The following TMCC3 variants were observed in gnomAD, a reference collection of about 807,000 sequenced individuals.
The protein encoded by TMCC3 is transmembrane and coiled-coil domain family 3, also known as transmembrane and coiled-coil domain protein 3.
Under a neutral mutation model 40.2 loss-of-function variants are expected in TMCC3, and 28 were observed. The observed-to-expected ratio is 0.70, with a 90% CI of 0.52 to 0.95. The LOEUF (loss-of-function observed/expected upper bound fraction) is 0.95. Ranked by LOEUF, TMCC3 falls within the 40% of genes least tolerant of loss-of-function variation. The pLI is 0.00. For missense variants in TMCC3, 554 were observed against 615.2 expected, an observed-to-expected ratio of 0.90 and a Z score of 1.05; for synonymous variants, 255 against 248.5, an observed-to-expected ratio of 1.03 and a Z score of -0.25.
chr12:94,584,744 C>T (rs1490986238), intron 1 of TMCC3, among the ~76,000 whole-genome samples: 1 of 151,912 alleles, frequency 6.6e-6, no homozygotes, highest in African/African-American at 2.4e-5. Context: ...CTTTATCTGG[C>T]AGAGGAGCAC....
Position 94,613,101 on chromosome 12 carries a change from G to GAT in TMCC3, c.79-30565_79-30564dup, listed in dbSNP as rs892948480. On this transcript the variant is annotated intron_variant, in intron 1 of 3. Coordinates refer to ENST00000261226, the MANE Select transcript of TMCC3 (RefSeq NM_020698.4). ...ATATATATATACACACAATAAAATG[G>GAT]ATACACACACACACACACACACACA... is the stretch of plus-strand genomic sequence containing the variant. 3.5e-4 allele frequency among the ~76,000 whole-genome samples: 49 copies of GAT among 140,082 alleles called. 1 individual carries two copies. Among genetic ancestry groups the GAT allele is most frequent in the African/African-American group, 1.3e-3 (49 of 36,718 alleles). 91.9% of individuals were successfully genotyped at this position (140,082 alleles called of 152,430 possible).
intron 1 of TMCC3, among the ~76,000 whole-genome samples, chr12:94,606,302 T>C (rs980394836): frequency 2.0e-5 from 3 of 152,096 alleles, no homozygotes; most frequent in African/African-American, 4.8e-5. Context: ...GCTTTACTCA[T>C]GCCAAGTTCC....
chr12:94,597,153 ATATATGTATATAAAT>A (rs2068721806), intron 1 of TMCC3, among the ~76,000 whole-genome samples: 6 of 18,250 alleles, frequency 3.3e-4, no homozygotes, highest in Middle Eastern at 0.062. Context: ...ATATATATAT[ATATATGTATATAAAT>A]TAGCCAGGCC....
chr12:94,598,825 C>G, intron 1 of TMCC3: 2 of 929,082 alleles, frequency 2.2e-6, no homozygotes, highest in Non-Finnish European at 2.6e-6. Flanking sequence ...AGAAATAAAA[C>G]AAATGGTGGG....
intron 1 of TMCC3, among the ~76,000 whole-genome samples, chr12:94,588,447 C>T (rs1372128965): frequency 2.6e-5 from 4 of 152,152 alleles, no homozygotes; most frequent in African/African-American, 7.2e-5. Flanking sequence ...CAGATGACAA[C>T]GGCCTGCTTA....
At chr12:94,610,524 A>G (rs1292765772) in intron 1 of TMCC3, among the ~76,000 whole-genome samples, 1 of 152,008 alleles carries the variant, frequency 6.6e-6, no homozygotes, top group African/African-American at 2.4e-5. Flanking sequence ...TGATTCTTCT[A>G]TGCTGCTTCT....
chr12:94,594,536 C>A (rs1310489509), intron 1 of TMCC3, among the ~76,000 whole-genome samples: 1 of 152,160 alleles, frequency 6.6e-6, no homozygotes, highest in Non-Finnish European at 1.5e-5. Context: ...GAAAATTTCC[C>A]ATCCATGCTT....
At chr12:94,620,124 T>C (rs113687974) in intron 1 of TMCC3, among the ~76,000 whole-genome samples, 115 of 151,652 alleles carry the variant, frequency 7.6e-4, no homozygotes, top group African/African-American at 2.7e-3. Context: ...GATAGTGCCA[T>C]TGCACTCCAG....
intron 3 of TMCC3, among the ~76,000 whole-genome samples, chr12:94,576,592 C>T (rs544806088): frequency 6.6e-6 from 1 of 152,314 alleles, no homozygotes; most frequent in African/African-American, 2.4e-5. Flanking sequence ...CCTCCTACCT[C>T]AGACTCCTGA....
intron 1 of TMCC3, among the ~76,000 whole-genome samples, chr12:94,597,071 G>A (rs1387806805): frequency 7.2e-6 from 1 of 139,724 alleles, no homozygotes; most frequent in East Asian, 2.0e-4. Context: ...CTGGAGCCCA[G>A]GAGTTTGAGA....
chr12:94,603,821 CAGG>C (rs1022089414), intron 1 of TMCC3, among the ~76,000 whole-genome samples: 1 of 152,076 alleles, frequency 6.6e-6, no homozygotes, highest in African/African-American at 2.4e-5. Flanking sequence ...AACAAAAATG[CAGG>C]AGCTGTCAAA....
At chr12:94,636,740 C>A (rs1439676651) in intron 1 of TMCC3, among the ~76,000 whole-genome samples, 1 of 152,240 alleles carries the variant, frequency 6.6e-6, no homozygotes, top group African/African-American at 2.4e-5. Context: ...AACAAACTGT[C>A]GTGCTATGGA....
intron 3 of TMCC3, 55 bp from the exon 4 acceptor site, chr12:94,571,792 G>A (rs1035756626): frequency 2.5e-5 from 39 of 1,567,154 alleles, no homozygotes; most frequent in Non-Finnish European, 3.1e-5. Context: ...TGAGCAACAC[G>A]TGAGTGCTCG....
At chr12:94,592,578 AGGCTGC>A (rs2068683624) in intron 1 of TMCC3, among the ~76,000 whole-genome samples, 2 of 139,834 alleles carry the variant, frequency 1.4e-5, no homozygotes, top group East Asian at 2.2e-4. Context: ...CCGGAGGCAG[AGGCTGC>A]AGTAAGCCAA....
chr12:94,588,702 A>G (rs967719137), intron 1 of TMCC3, among the ~76,000 whole-genome samples: 5 of 151,992 alleles, frequency 3.3e-5, no homozygotes, highest in Admixed American at 3.3e-4. Flanking sequence ...TTTTACTATT[A>G]ATCACTTTAG....
intron 3 of TMCC3, among the ~76,000 whole-genome samples, 156 bp downstream of exon 3, chr12:94,578,238 G>A (rs1220795508): frequency 6.6e-6 from 1 of 151,814 alleles, no homozygotes; most frequent in Non-Finnish European, 1.5e-5. Context: ...GAACTAGTGG[G>A]GTTAACGTGG....
intron 3 of TMCC3, among the ~76,000 whole-genome samples, chr12:94,576,362 T>C (rs916890716): frequency 6.6e-6 from 1 of 152,252 alleles, no homozygotes; most frequent in African/African-American, 2.4e-5. Context: ...ATCTTTATGT[T>C]TAATTTTCTC....
chr12:94,568,425 C>T lies in TMCC3; in HGVS notation c.*3010G>A, dbSNP rs942991490. Reference sequence around the variant, plus strand: ...ATCTTCAACCACTCAGGAGTGTTTGCTGAGAGACCAGGTGGTGCTTACCCA... The same window carrying T: ...ATCTTCAACCACTCAGGAGTGTTTGTTGAGAGACCAGGTGGTGCTTACCCA... On this transcript the variant is annotated 3_prime_UTR_variant, in exon 4 of 4. Coordinates refer to ENST00000261226, the MANE Select transcript of TMCC3 (RefSeq NM_020698.4). 2 of 152,138 alleles carry T rather than the reference C, an allele frequency of 1.3e-5. No individual in the cohort carries two copies. Among genetic ancestry groups the T allele is most frequent in the African/African-American group, 4.8e-5 (2 of 41,420 alleles). The allele number at this position is 152,138 out of a possible 1,614,324, so 9.4% of individuals were successfully genotyped here. A position where few individuals can be genotyped will look rare whatever the true frequency, so the allele number is the denominator to read the frequency against.
At chr12:94,604,733 G>A (rs906255244) in intron 1 of TMCC3, among the ~76,000 whole-genome samples, 2 of 144,744 alleles carry the variant, frequency 1.4e-5, no homozygotes, top group Non-Finnish European at 3.0e-5. Context: ...GAGCCTAAGA[G>A]GTCAAGTCTG....
Sources: allele counts gnomAD v4.1 joint callset (sites outside exome capture counted in the v4.1 genomes callset), GRCh38; gene constraint gnomAD v4.1.1; transcripts MANE v1.5; gene names NCBI Gene and HGNC (gene_info 2026-07-23, HGNC 2026-07-21).